Variants in SLCO1B3 observed in about 807,000 individuals in gnomAD.
The protein encoded by SLCO1B3 is solute carrier organic anion transporter family member 1B3.
In SLCO1B3, 72 loss-of-function variants were observed where a neutral mutation model predicts 71.8. The observed-to-expected ratio is 1.00, with a 90% CI of 0.83 to 1.22. SLCO1B3 has a LOEUF of 1.22. SLCO1B3 is among the 50% of genes most tolerant of loss of function. SLCO1B3 has a pLI of 0.00. For synonymous variants in SLCO1B3, 298 were observed against 278.4 expected, an observed-to-expected ratio of 1.07 and a Z score of -0.70; for missense variants, 911 against 819.7, an observed-to-expected ratio of 1.11 and a Z score of -1.36.
At chr12:20,835,511 A>G (rs1483429350) in intron 3 of SLCO1B3, among the ~76,000 whole-genome samples, 2 of 152,100 alleles carry the variant, frequency 1.3e-5, no homozygotes, top group Non-Finnish European at 2.9e-5. Context: ...CTCAAGTTCA[A>G]AGTTCCACAG....
Position 20,889,027 on chromosome 12 carries a change from T to A in SLCO1B3, c.1682+5425T>A, listed in dbSNP as rs371149003. ...CGCATATGTTGAACCATCCTTGCAT[T>A]TCAGGAAAAAGTCCACTTTTCATTG... On this transcript the variant is annotated intron_variant, in intron 13 of 15. Coordinates refer to ENST00000381545, the MANE Select transcript of SLCO1B3 (RefSeq NM_019844.4). Among the ~76,000 whole-genome samples, 124 of 152,124 alleles carry A rather than the reference T, an allele frequency of 8.2e-4. 2 individuals carry two copies. The South Asian group carries it at 0.025, about 30-fold the overall frequency.
chr12:20,891,178 G>C (rs1865895463), intron 13 of SLCO1B3, among the ~76,000 whole-genome samples: 1 of 151,958 alleles, frequency 6.6e-6, no homozygotes, highest in Non-Finnish European at 1.5e-5. Flanking sequence ...CTATATGTTA[G>C]AACTCCTTCA....
At position 20,880,872 on chromosome 12, in the gene SLCO1B3, C is replaced by G. The variant is rs889122335; in HGVS notation, c.1349C>G (p.Ser450Cys). 3 of 1,596,202 alleles carry G rather than the reference C, an allele frequency of 1.9e-6. No individual in the cohort carries two copies. Among genetic ancestry groups the G allele is most frequent in the Non-Finnish European group, 2.6e-6 (3 of 1,169,914 alleles). Reference sequence around the variant, plus strand: ...ATTTTCAGAAATAATTCAGTGGCATCTCATGTAGATGTACCACTTTCTTAT... The same window carrying G: ...ATTTTCAGAAATAATTCAGTGGCATGTCATGTAGATGTACCACTTTCTTAT... ...LTYDGNNSVA[S>C]HVDVPLSYCN... Residue 450 changes from serine (S) to cysteine (C), a missense_variant, in exon 12 of 16, where the codon TCT (serine) becomes TGT (cysteine). Physicochemically the swap from Ser to Cys is moderately radical, Grantham distance 112. Coordinates refer to ENST00000381545, the MANE Select transcript of SLCO1B3 (RefSeq NM_019844.4).
At chr12:20,866,975 A>C (rs1865385832) in intron 8 of SLCO1B3, among the ~76,000 whole-genome samples, 1 of 152,174 alleles carries the variant, frequency 6.6e-6, no homozygotes, top group Non-Finnish European at 1.5e-5. Context: ...CTGAAAAGTT[A>C]TGACAGTTTC....
At chr12:20,881,862 C>G (rs745848202) in intron 12 of SLCO1B3, among the ~76,000 whole-genome samples, 1 of 152,158 alleles carries the variant, frequency 6.6e-6, no homozygotes, top group African/African-American at 2.4e-5. Flanking sequence ...GATTATGACT[C>G]TCTACCACAC....
At chr12:20,863,999 G>T (rs183413447) in intron 8 of SLCO1B3, among the ~76,000 whole-genome samples, 1 of 151,424 alleles carries the variant, frequency 6.6e-6, no homozygotes, top group Non-Finnish European at 1.5e-5. Flanking sequence ...TGGTCTCATC[G>T]TCTGATTTCC....
In SLCO1B3 at chr12:20,858,579, T is replaced by G; in HGVS notation, c.359+8T>G. ...ACATTTCTTCATGGGATAGTAAGTG[T>G]TAAACAGCTCTGAGCCATTTATTAT... On this transcript the variant is annotated splice_region_variant and intron_variant, in intron 5 of 15. Transcript: ENST00000381545. 1 of 1,603,638 alleles carries G rather than the reference T, an allele frequency of 6.2e-7. No individual in the cohort carries two copies. The highest frequency in any genetic ancestry group is 8.5e-7 in the Non-Finnish European group (1 of 1,172,158).
chr12:20,827,586 T>C (rs568308622), intron 3 of SLCO1B3, among the ~76,000 whole-genome samples: 2 of 152,288 alleles, frequency 1.3e-5, no homozygotes, highest in East Asian at 3.9e-4. Flanking sequence ...TTTTTTTTCT[T>C]TTTGAGACAG....
At chr12:20,851,761 C>G (rs1208756236) in intron 3 of SLCO1B3, among the ~76,000 whole-genome samples, 3 of 151,996 alleles carry the variant, frequency 2.0e-5, no homozygotes, top group African/African-American at 7.2e-5. Context: ...GAAGCATTTT[C>G]TCTGTATTTT....
intron 15 of SLCO1B3, among the ~76,000 whole-genome samples, chr12:20,904,582 A>G (rs900248564): frequency 1.3e-5 from 2 of 151,732 alleles, no homozygotes; most frequent in African/African-American, 4.8e-5. Flanking sequence ...TGGTAGATCT[A>G]CCATTCTGGA....
In SLCO1B3 at chr12:20,915,986, T is replaced by G. The variant is rs982994936; in HGVS notation, c.1866-18T>G. The G allele has an allele frequency of 2.6e-6, 4 of 1,565,056 alleles. No individual in the cohort carries two copies. In the African/African-American group the frequency reaches 4.1e-5, roughly 16 times the overall value. On this transcript the variant is annotated intron_variant, in intron 15 of 15. Transcript: ENST00000381545. Reference sequence around the variant, plus strand: ...ACATTTAAAATAATAATCGACTCTCTATTTTCTCTTTTCACAGAAGGGTCT... The same window carrying G: ...ACATTTAAAATAATAATCGACTCTCGATTTTCTCTTTTCACAGAAGGGTCT...
chr12:20,874,376 C>T (rs1421321262), intron 8 of SLCO1B3, among the ~76,000 whole-genome samples: 1 of 152,076 alleles, frequency 6.6e-6, no homozygotes, highest in Non-Finnish European at 1.5e-5. Context: ...TTGTACTTTC[C>T]TGATGTATAG....
chr12:20,869,664 G>A (rs1565596020), intron 8 of SLCO1B3, among the ~76,000 whole-genome samples: 3 of 152,210 alleles, frequency 2.0e-5, no homozygotes, highest in South Asian at 4.2e-4. Flanking sequence ...ATTGCAGGAT[G>A]TCCTTTCTGT....
At chr12:20,914,504 ATAAT>A (rs1866453070) in intron 15 of SLCO1B3, among the ~76,000 whole-genome samples, 1 of 152,062 alleles carries the variant, frequency 6.6e-6, no homozygotes, top group Non-Finnish European at 1.5e-5. Context: ...TATATTATAT[ATAAT>A]TAAATACATT....
chr12:20,839,564 C>T lies in SLCO1B3; in HGVS notation c.85-15464C>T, dbSNP rs557561433. 3.3e-5 allele frequency among the ~76,000 whole-genome samples: 5 copies of T among 151,988 alleles called. No homozygotes were observed. In the South Asian group the frequency reaches 1.0e-3, roughly 32 times the overall value. ...TAGGTAAGGATAGGTATTTTATTTT[C>T]CCTCTGGTTTCTTTTGGGACTTTTT... On this transcript the variant is annotated intron_variant, in intron 3 of 15. Coordinates refer to ENST00000381545, the MANE Select transcript of SLCO1B3 (RefSeq NM_019844.4).
intron 15 of SLCO1B3, among the ~76,000 whole-genome samples, chr12:20,902,491 G>A (rs1866149109): frequency 1.3e-5 from 2 of 152,132 alleles, no homozygotes; most frequent in African/African-American, 4.8e-5. Flanking sequence ...TTGTAAGTGG[G>A]AGCTAAACAT....
chr12:20,896,060 C>T (rs1478183663), intron 13 of SLCO1B3, among the ~76,000 whole-genome samples: 1 of 152,184 alleles, frequency 6.6e-6, no homozygotes, highest in Non-Finnish European at 1.5e-5. Context: ...GGCACCAAGT[C>T]CCTAGGCTGC....
At chr12:20,812,462 C>T (rs1864125159) in intron 1 of SLCO1B3, among the ~76,000 whole-genome samples, 1 of 152,114 alleles carries the variant, frequency 6.6e-6, no homozygotes, top group African/African-American at 2.4e-5. Flanking sequence ...TTTGGAGCCG[C>T]ATTACAGCCA....
intron 13 of SLCO1B3, among the ~76,000 whole-genome samples, chr12:20,893,189 A>C (rs1865937010): frequency 6.6e-6 from 1 of 152,184 alleles, no homozygotes; most frequent in African/African-American, 2.4e-5. Flanking sequence ...GAGAATTTTA[A>C]AAGTGGGTAC....
Sources: gnomAD v4.1 joint callset for allele counts (sites outside exome capture counted in the v4.1 genomes callset) on GRCh38, gnomAD v4.1.1 for gene constraint, MANE v1.5 for transcripts, NCBI Gene and HGNC (gene_info 2026-07-23, HGNC 2026-07-21) for gene names.